DTNB: variants seen among roughly 807,000 people sequenced by gnomAD.
DTNB encodes the protein DTN-B.
In DTNB, 63 loss-of-function variants were observed where a neutral mutation model predicts 90.7. The ratio of observed to expected loss-of-function variants is 0.69; its 90% CI spans 0.57 to 0.86. The LOEUF is 0.86. Ranked by LOEUF, DTNB falls within the 40% of genes least tolerant of loss-of-function variation. DTNB has a pLI of 0.00. For synonymous variants in DTNB, 277 were observed against 286.7 expected (o/e 0.97, Z 0.34); for missense variants, 744 against 807.1 (o/e 0.92, Z 0.95).
intron 9 of DTNB, among the ~76,000 whole-genome samples, chr2:25,504,445 A>G: frequency 6.7e-6 from 1 of 149,598 alleles, no homozygotes; most frequent in African/African-American, 2.5e-5. Context: ...GGAAAGAGAG[A>G]AGGAAAGAAA....
chr2:25,497,726 T>A (rs1212344662), intron 9 of DTNB: 1 of 152,222 alleles, frequency 6.6e-6, no homozygotes, highest in Non-Finnish European at 1.5e-5. Flanking sequence ...ATCATGAGAT[T>A]GTCTCTGCCA....
In DTNB at chr2:25,419,280, A is replaced by C. The variant is rs551826424; in HGVS notation, c.1575+235T>G. On this transcript the variant is annotated intron_variant, in intron 16 of 20. Coordinates refer to ENST00000406818, the MANE Select transcript of DTNB (RefSeq NM_021907.5). ...GCTAATCATGCACACTTCAATGCGC[A>C]CAACAGATGGGTACTTACAAGCTCT... is the stretch of plus-strand genomic sequence containing the variant. 182 of 616,644 alleles carry C rather than the reference A, an allele frequency of 3.0e-4. 1 individual carries two copies. The South Asian group carries it at 3.5e-3, about 12-fold the overall frequency. 38.2% of individuals were successfully genotyped at this position (616,644 alleles called of 1,614,324 possible).
At chr2:25,575,245 A>AC (rs1559088485) in intron 8 of DTNB, among the ~76,000 whole-genome samples, 111 of 149,086 alleles carry the variant, frequency 7.4e-4, no homozygotes, top group African/African-American at 2.4e-3. Flanking sequence ...CACACACACA[A>AC]AAAAAAAAAA....
intron 2 of DTNB, among the ~76,000 whole-genome samples, chr2:25,642,101 T>C (rs1007938908): frequency 6.6e-6 from 1 of 152,196 alleles, no homozygotes; most frequent in African/African-American, 2.4e-5. Flanking sequence ...ATTACAGGCA[T>C]GAGCCACCAC....
At chr2:25,662,683 C>CACACACACACACAA (rs2083482546) in intron 1 of DTNB, among the ~76,000 whole-genome samples, 1 of 101,616 alleles carries the variant, frequency 9.8e-6, no homozygotes, top group Non-Finnish European at 2.2e-5. Context: ...CACACACAAA[C>CACACACACACACAA]ACACACACAC....
chr2:25,626,880 C>G (rs2074277941), intron 4 of DTNB, among the ~76,000 whole-genome samples: 1 of 152,220 alleles, frequency 6.6e-6, no homozygotes, highest in Non-Finnish European at 1.5e-5. Context: ...GAAACTGGAA[C>G]TCTTGGTTCA....
rs141721319 is a variant in DTNB at position 25,537,928 on chromosome 2, C to T, written c.877-6331G>A. Among the ~76,000 whole-genome samples, 5 of 152,282 alleles carry T rather than the reference C, an allele frequency of 3.3e-5. No individual in the cohort carries two copies. In the East Asian group the frequency reaches 9.6e-4, roughly 29 times the overall value. On this transcript the variant is annotated intron_variant, in intron 8 of 20. Transcript: ENST00000406818. ...GCTCTTTAAGGTCTCTGTACTTTCT[C>T]CCAACTTGCACTCTAAAACTGATTT...
At chr2:25,394,171 G>A (rs565154362) in intron 16 of DTNB, among the ~76,000 whole-genome samples, 2 of 152,216 alleles carry the variant, frequency 1.3e-5, no homozygotes, top group African/African-American at 4.8e-5. Flanking sequence ...AACAAATGAT[G>A]CTGAGATAAC....
chr2:25,427,853 A>G, intron 14 of DTNB: 1 of 409,710 alleles, frequency 2.4e-6, no homozygotes, highest in Non-Finnish European at 4.3e-6. Context: ...AGTTTAGATG[A>G]CTATATAAAG....
At chr2:25,560,246 G>T (rs1017881754) in intron 8 of DTNB, among the ~76,000 whole-genome samples, 1 of 152,180 alleles carries the variant, frequency 6.6e-6, no homozygotes, top group Admixed American at 6.5e-5. Flanking sequence ...CCGTCTCAAA[G>T]AAATAATAAA....
chr2:25,607,913 A>G (rs2067491800), intron 4 of DTNB, among the ~76,000 whole-genome samples: 1 of 152,230 alleles, frequency 6.6e-6, no homozygotes, highest in South Asian at 2.1e-4. Context: ...AAGGGATAGT[A>G]ACATTAATTC....
chr2:25,565,430 G>A (rs1181331459), intron 8 of DTNB, among the ~76,000 whole-genome samples: 1 of 151,786 alleles, frequency 6.6e-6, no homozygotes, highest in East Asian at 1.9e-4. Context: ...TTATTATTTT[G>A]GTAGAGATAG....
chr2:25,495,588 T>A (rs1297936026), intron 9 of DTNB, among the ~76,000 whole-genome samples: 1 of 152,200 alleles, frequency 6.6e-6, no homozygotes, highest in African/African-American at 2.4e-5. Flanking sequence ...GCCCTTTCAT[T>A]GCAATGATTC....
chr2:25,531,396 C>A, intron 9 of DTNB, 77 bp downstream of exon 9: 2 of 1,543,170 alleles, frequency 1.3e-6, no homozygotes, highest in South Asian at 1.3e-5. Context: ...TTAAGTGATC[C>A]CTGGTTTTGA....
chr2:25,607,116 C>T (rs745633899), intron 5 of DTNB, 120 bp downstream of exon 5: 125 of 1,044,124 alleles, frequency 1.2e-4, no homozygotes, highest in Non-Finnish European at 1.1e-4. Context: ...GCTGCTGCAG[C>T]GTGAGTGACA....
chr2:25,472,330 A>G (rs942033930), intron 10 of DTNB, among the ~76,000 whole-genome samples: 4 of 152,226 alleles, frequency 2.6e-5, no homozygotes, highest in African/African-American at 7.2e-5. Flanking sequence ...AAGAGAGAAC[A>G]AAGGTGAAAA....
intron 16 of DTNB, among the ~76,000 whole-genome samples, chr2:25,399,874 C>T (rs1435544033): frequency 2.5e-5 from 2 of 80,236 alleles, no homozygotes; most frequent in Non-Finnish European, 4.4e-5. Context: ...ATGATCTTCG[C>T]TAAGTTAACC....
chr2:25,399,267 T>A (rs1051566477), intron 16 of DTNB, among the ~76,000 whole-genome samples: 5 of 151,888 alleles, frequency 3.3e-5, no homozygotes, highest in African/African-American at 9.7e-5. Flanking sequence ...CAGGATAGTC[T>A]CAATCTCTTG....
In DTNB at chr2:25,383,986, TCTAG is replaced by T. The variant is rs994373364; in HGVS notation, c.1826-101_1826-98del. The T allele has an allele frequency of 1.9e-6, 3 of 1,597,074 alleles. No individual in the cohort carries two copies. The African/African-American group carries it at 4.0e-5, about 21-fold the overall frequency. On this transcript the variant is annotated intron_variant, in intron 18 of 20. Transcript: ENST00000406818. ...CAACTGCTGAGGCTTGGGAGGAAAC[TCTAG>T]CTAACAGCTCCTGGCTGCAGGCCTC...
Sources: allele counts gnomAD v4.1 joint callset (sites outside exome capture counted in the v4.1 genomes callset), GRCh38; gene constraint gnomAD v4.1.1; transcripts MANE v1.5; gene names NCBI Gene and HGNC (gene_info 2026-07-23, HGNC 2026-07-21).